Variants in MSANTD5 observed in about 807,000 individuals in gnomAD.
The protein encoded by MSANTD5 is uncharacterized protein MSANTD5.
At chr5:178,699,937 T>TC (rs58269048), upstream of MSANTD5, among the ~76,000 whole-genome samples, 46 of 146,822 alleles carry the variant, frequency 3.1e-4, 1 homozygote, top group East Asian at 4.0e-4. Flanking sequence ...TTCTGTGGCT[T>TC]TCCAGCACAG....
At chr5:178,704,060 T>C in the MSANTD5 span, among the ~76,000 whole-genome samples, 2 of 151,756 alleles carry the variant, frequency 1.3e-5, no homozygotes, top group Non-Finnish European at 2.9e-5. Context: ...TTACCAAATA[T>C]ATGAATGTAG....
the MSANTD5 span, among the ~76,000 whole-genome samples, chr5:178,704,433 G>C: frequency 6.6e-6 from 1 of 152,102 alleles, no homozygotes; most frequent in Non-Finnish European, 1.5e-5. Context: ...GAGCTAGAAG[G>C]CACCTTCTAT....
chr5:178,704,687 G>A, the MSANTD5 span, among the ~76,000 whole-genome samples: 1,350 of 152,350 alleles, frequency 8.9e-3, 11 homozygotes, highest in African/African-American at 0.03. Flanking sequence ...ATGTCTACAG[G>A]AATGTCAGAA....
the MSANTD5 span, among the ~76,000 whole-genome samples, chr5:178,705,558 G>T: frequency 6.6e-6 from 1 of 152,184 alleles, no homozygotes; most frequent in Admixed American, 6.5e-5. Context: ...TCAGGGCAGC[G>T]CCTAATCCAG....
At chr5:178,695,424 A>G (rs1194197117) in exon 3 of MSANTD5, 6 of 152,204 alleles carry the variant, frequency 3.9e-5, no homozygotes, top group Admixed American at 2.0e-4. Context: ...GCTTATTAGC[A>G]TCTGGAGACA....
chr5:178,703,512 C>A, the MSANTD5 span, among the ~76,000 whole-genome samples: 1 of 152,086 alleles, frequency 6.6e-6, no homozygotes, highest in African/African-American at 2.4e-5. Flanking sequence ...GGAGCTGCTT[C>A]TATTTTCAAC....
chr5:178,693,089 C>A (rs1407760693), downstream of MSANTD5, among the ~76,000 whole-genome samples: 2 of 151,896 alleles, frequency 1.3e-5, no homozygotes, highest in African/African-American at 2.4e-5. Flanking sequence ...GCGGGCGGAT[C>A]ACCTGAGGTC....
the MSANTD5 span, among the ~76,000 whole-genome samples, chr5:178,704,671 T>C: frequency 1.4e-4 from 22 of 152,134 alleles, no homozygotes; most frequent in African/African-American, 5.1e-4. Flanking sequence ...AAGTCAGAAA[T>C]TGCGGATGTC....
upstream of MSANTD5, among the ~76,000 whole-genome samples, chr5:178,702,097 T>G (rs373292974): frequency 1.1e-4 from 16 of 147,976 alleles, no homozygotes; most frequent in African/African-American, 3.5e-4. Flanking sequence ...AAAAAAAAAA[T>G]AAAAAAAGAA....
the MSANTD5 span, among the ~76,000 whole-genome samples, chr5:178,706,163 G>A: frequency 6.6e-6 from 1 of 152,062 alleles, no homozygotes; most frequent in Non-Finnish European, 1.5e-5. Context: ...TATTAAATGT[G>A]GTGTGGTTGA....
At chr5:178,705,829 C>T in the MSANTD5 span, among the ~76,000 whole-genome samples, 284 of 152,038 alleles carry the variant, frequency 1.9e-3, 1 homozygote, top group African/African-American at 6.3e-3. Context: ...TGGTGGTGGG[C>T]GCCTGTAGTC....
chr5:178,692,550 G>A (rs1235046956), downstream of MSANTD5, among the ~76,000 whole-genome samples: 1 of 151,912 alleles, frequency 6.6e-6, no homozygotes, highest in East Asian at 1.9e-4. Flanking sequence ...TCATCCACTG[G>A]GCGAAGGGTT....
chr5:178,706,578 C>T, the MSANTD5 span, among the ~76,000 whole-genome samples: 34 of 151,944 alleles, frequency 2.2e-4, no homozygotes, highest in Middle Eastern at 0.014. Context: ...TGCAGGATTC[C>T]AATCTACTGG....
At chr5:178,698,959 C>G (rs986836062), upstream of MSANTD5, among the ~76,000 whole-genome samples, 6 of 151,988 alleles carry the variant, frequency 3.9e-5, no homozygotes, top group African/African-American at 1.5e-4. Context: ...TCCATGTCAT[C>G]TAAAAATACC....
chr5:178,703,389 C>T, the MSANTD5 span, among the ~76,000 whole-genome samples: 2 of 152,184 alleles, frequency 1.3e-5, no homozygotes, highest in Non-Finnish European at 2.9e-5. Context: ...AGACTTGGTC[C>T]TCCATTCTAG....
chr5:178,693,749 G>A (rs939289652), downstream of MSANTD5, among the ~76,000 whole-genome samples: 1 of 151,878 alleles, frequency 6.6e-6, no homozygotes, highest in African/African-American at 2.4e-5. Context: ...CATTTTTATA[G>A]AATGCTGATT....
chr5:178,696,284 ACGATCTCAGCT>A (rs1765411709), intron 1 of MSANTD5, 103 bp from the exon 2 acceptor site: 1 of 151,504 alleles, frequency 6.6e-6, no homozygotes, highest in Non-Finnish European at 1.5e-5. Context: ...GTGCAGTGGC[ACGATCTCAGCT>A]CACTGCAACT....
chr5:178,699,937 T>TCTAAGGGGGACCCTGCTTATCTTGTCC (rs58269048), upstream of MSANTD5, among the ~76,000 whole-genome samples: 50 of 146,736 alleles, frequency 3.4e-4, no homozygotes, highest in Admixed American at 6.7e-4. Context: ...TTCTGTGGCT[T>TCTAAGGGGGACCCTGCTTATCTTGTCC]TCCAGCACAG....
the MSANTD5 span, chr5:178,707,103 TA>T: frequency 6.6e-6 from 1 of 152,096 alleles, no homozygotes. Flanking sequence ...CTTATAAGGA[TA>T]GGGGTGACTA....
Sources: gnomAD v4.1 joint callset for allele counts (sites outside exome capture counted in the v4.1 genomes callset) on GRCh38, gnomAD v4.1.1 for gene constraint, MANE v1.5 for transcripts, NCBI Gene and HGNC (gene_info 2026-07-23, HGNC 2026-07-21) for gene names.